Variants in HACD2 observed in about 807,000 individuals in gnomAD.
HACD2 encodes very-long-chain (3R)-3-hydroxyacyl-CoA dehydratase 2.
Under a neutral mutation model 31.0 loss-of-function variants are expected in HACD2, and 15 were observed. The ratio of observed to expected loss-of-function variants is 0.48; its 90% CI spans 0.32 to 0.75. The LOEUF (loss-of-function observed/expected upper bound fraction) is 0.75, where lower values mean the gene tolerates loss of function less well. Among genes scored for constraint, HACD2 ranks in the 30% least tolerant of loss-of-function variants. HACD2 has a pLI of 0.03. For missense variants in HACD2, 283 were observed against 313.0 expected, an observed-to-expected ratio of 0.90 and a Z score of 0.72; for synonymous variants, 115 against 122.2, an observed-to-expected ratio of 0.94 and a Z score of 0.39.
intron 3 of HACD2, among the ~76,000 whole-genome samples, chr3:123,531,987 G>A (rs149028900): frequency 1.9e-4 from 29 of 152,228 alleles, no homozygotes; most frequent in African/African-American, 6.5e-4. Flanking sequence ...AGAAGTAGAA[G>A]TACTAGGTCA....
chr3:123,542,682 C>G (rs1171699937), intron 3 of HACD2, among the ~76,000 whole-genome samples: 1 of 152,176 alleles, frequency 6.6e-6, no homozygotes, highest in African/African-American at 2.4e-5. Flanking sequence ...ACAACTTGTT[C>G]TCCACTGAGA....
intron 3 of HACD2, among the ~76,000 whole-genome samples, chr3:123,541,955 G>A (rs1165696060): frequency 2.6e-5 from 4 of 151,492 alleles, no homozygotes; most frequent in African/African-American, 7.3e-5. Context: ...AGACCATCCC[G>A]GCTAAAACGG....
intron 1 of HACD2, 174 bp downstream of exon 1, chr3:123,584,699 G>A (rs1037500720): frequency 1.8e-5 from 8 of 453,974 alleles, no homozygotes; most frequent in African/African-American, 1.2e-4. Context: ...GGCAGCCACC[G>A]GGGCCGATTC....
chr3:123,580,674 T>C (rs971434417), intron 2 of HACD2, among the ~76,000 whole-genome samples: 1 of 151,094 alleles, frequency 6.6e-6, no homozygotes, highest in Non-Finnish European at 1.5e-5. Context: ...GCCCAGCTAC[T>C]CTGCAAGCTG....
chr3:123,515,387 G>A (rs1222075171), intron 4 of HACD2, among the ~76,000 whole-genome samples: 1 of 152,132 alleles, frequency 6.6e-6, no homozygotes, highest in African/African-American at 2.4e-5. Flanking sequence ...AATGCCTGGG[G>A]CATAGAAGAT....
chr3:123,545,179 A>G (rs2056543454), intron 3 of HACD2, among the ~76,000 whole-genome samples: 1 of 127,478 alleles, frequency 7.8e-6, no homozygotes, highest in Non-Finnish European at 1.6e-5. Flanking sequence ...GTGTTACTTT[A>G]TATTAGAAAT....
At chr3:123,530,493 C>G (rs940452611) in intron 3 of HACD2, among the ~76,000 whole-genome samples, 3 of 151,662 alleles carry the variant, frequency 2.0e-5, no homozygotes, top group Non-Finnish European at 4.4e-5. Context: ...ACTGCAACCT[C>G]CAACTCCCTG....
intron 3 of HACD2, among the ~76,000 whole-genome samples, chr3:123,560,309 T>C (rs907713939): frequency 3.9e-5 from 6 of 152,224 alleles, no homozygotes; most frequent in South Asian, 2.1e-4. Context: ...TGACCACTTA[T>C]GGTCTTGACC....
intron 3 of HACD2, among the ~76,000 whole-genome samples, chr3:123,556,633 A>C (rs1026625134): frequency 6.6e-6 from 1 of 152,178 alleles, no homozygotes; most frequent in Non-Finnish European, 1.5e-5. Context: ...AAATTTAAAA[A>C]TCTGTGCTTC....
At chr3:123,573,640 A>G (rs1213100521) in intron 2 of HACD2, among the ~76,000 whole-genome samples, 1 of 152,110 alleles carries the variant, frequency 6.6e-6, no homozygotes, top group Non-Finnish European at 1.5e-5. Flanking sequence ...AGCCTTTATC[A>G]CTAATAAAGG....
chr3:123,502,280 G>T (rs1246836368), intron 5 of HACD2, among the ~76,000 whole-genome samples: 6 of 151,784 alleles, frequency 4.0e-5, no homozygotes, highest in Non-Finnish European at 8.8e-5. Context: ...ATTGCTACTT[G>T]GTGATGAAAT....
At chr3:123,499,659 T>C (rs370596149) in intron 6 of HACD2, 5 of 455,106 alleles carry the variant, frequency 1.1e-5, no homozygotes, top group South Asian at 4.6e-5. Flanking sequence ...TAGGGAAGAA[T>C]ACAGTATCTT....
intron 3 of HACD2, among the ~76,000 whole-genome samples, chr3:123,552,285 AGAG>A (rs1191891251): frequency 1.3e-5 from 2 of 152,204 alleles, no homozygotes; most frequent in Non-Finnish European, 2.9e-5. Context: ...AAAAGAAGGG[AGAG>A]GAGGTGCCCT....
Position 123,528,491 on chromosome 3 carries a change from G to A in HACD2, c.293-17C>T, listed in dbSNP as rs1277420092. The A allele has an allele frequency of 8.9e-6, 13 of 1,459,264 alleles. No homozygotes were observed. The highest frequency in any genetic ancestry group is 1.3e-5 in the Non-Finnish European group (13 of 1,039,230). 90.4% of individuals were successfully genotyped at this position (1,459,264 alleles called of 1,614,324 possible). A position where few individuals can be genotyped will look rare whatever the true frequency, so the allele number is the denominator to read the frequency against. ...GAACAATTCCTGAAAGAAATTTTGG[G>A]ATGGATAAATAAATGTACTGTACTA... On this transcript the variant is annotated splice_polypyrimidine_tract_variant and intron_variant, in intron 3 of 6. Transcript: ENST00000383657.
intron 4 of HACD2, among the ~76,000 whole-genome samples, chr3:123,503,708 C>CA (rs398038348): frequency 0.048 from 4,696 of 97,380 alleles, 212 homozygotes; most frequent in African/African-American, 0.1. Flanking sequence ...TTCCATGCAT[C>CA]AAAAAAAAAA....
chr3:123,581,370 T>C (rs981757153), intron 2 of HACD2, among the ~76,000 whole-genome samples: 2 of 152,212 alleles, frequency 1.3e-5, no homozygotes, highest in Admixed American at 6.5e-5. Context: ...AGAATGGGCA[T>C]GTGTCCTAAG....
At chr3:123,512,852 T>C (rs1029650316) in intron 4 of HACD2, among the ~76,000 whole-genome samples, 1 of 152,168 alleles carries the variant, frequency 6.6e-6, no homozygotes, top group Non-Finnish European at 1.5e-5. Context: ...TATGTGTGTA[T>C]ATGTATATGT....
chr3:123,517,716 G>T (rs2056155726), intron 4 of HACD2, among the ~76,000 whole-genome samples: 1 of 152,178 alleles, frequency 6.6e-6, no homozygotes, highest in South Asian at 2.1e-4. Flanking sequence ...AAAAGAACAT[G>T]AAACTGGCAA....
At chr3:123,541,654 G>C (rs1311875703) in intron 3 of HACD2, among the ~76,000 whole-genome samples, 1 of 152,200 alleles carries the variant, frequency 6.6e-6, no homozygotes, top group African/African-American at 2.4e-5. Context: ...TTCAACACTT[G>C]ATAGATGTGA....
Sources: allele counts gnomAD v4.1 joint callset (sites outside exome capture counted in the v4.1 genomes callset), GRCh38; gene constraint gnomAD v4.1.1; transcripts MANE v1.5; gene names NCBI Gene and HGNC (gene_info 2026-07-23, HGNC 2026-07-21).